CELF1: variants seen among roughly 807,000 people sequenced by gnomAD.
CELF1 encodes the protein CUGBP Elav-like family member 1, also known as 50 kDa nuclear polyadenylated RNA-binding protein.
CELF1 carries 10 observed loss-of-function variants against 61.8 expected under a neutral mutation model. The observed-to-expected ratio is 0.16, with a 90% CI of 0.10 to 0.27. CELF1 has a LOEUF of 0.27. Among genes scored for constraint, CELF1 ranks in the 10% least tolerant of loss-of-function variants. CELF1 has a pLI of 1.00. For synonymous variants in CELF1, 236 were observed against 225.1 expected (o/e 1.05, Z -0.43); for missense variants, 380 against 639.1 (o/e 0.59, Z 4.37).
intron 1 of CELF1, among the ~76,000 whole-genome samples, chr11:47,547,091 A>AAAAAAAAAAAAAAAAAAAAAAAAAAG (rs1390852543): frequency 7.2e-6 from 1 of 138,674 alleles, no homozygotes. Flanking sequence ...AAAAAAAAAA[A>AAAAAAAAAAAAAAAAAAAAAAAAAAG]AAGAAAGAAA....
chr11:47,545,809 G>A (rs962821850), intron 1 of CELF1, among the ~76,000 whole-genome samples: 26 of 151,456 alleles, frequency 1.7e-4, no homozygotes, highest in African/African-American at 5.8e-4. Context: ...GGGATTACAG[G>A]CATGCACCAC....
chr11:47,484,554 A>G (rs1273196387), intron 6 of CELF1, 31 bp from the exon 7 acceptor site: 2 of 1,588,964 alleles, frequency 1.3e-6, no homozygotes, highest in African/African-American at 1.4e-5. Flanking sequence ...AGACTTGAAT[A>G]TTACTACTTA....
intron 1 of CELF1, among the ~76,000 whole-genome samples, chr11:47,502,001 C>T (rs113284180): frequency 2.6e-5 from 4 of 152,264 alleles, no homozygotes; most frequent in African/African-American, 9.6e-5. Flanking sequence ...TACTGAGTTG[C>T]CAGGCACTGT....
chr11:47,560,513 A>G (rs2097221829), intron 2 of CELF1, among the ~76,000 whole-genome samples: 1 of 152,228 alleles, frequency 6.6e-6, no homozygotes, highest in African/African-American at 2.4e-5. Flanking sequence ...ATCCATGTAT[A>G]TGAAATGTTT....
chr11:47,477,017 A>G (rs1441158958), intron 11 of CELF1, 58 bp from the exon 12 acceptor site: 3 of 1,387,354 alleles, frequency 2.2e-6, no homozygotes, highest in East Asian at 2.3e-5. Context: ...GCCAAATACA[A>G]GAAAAAGTGT....
intron 3 of CELF1, chr11:47,495,838 T>C: frequency 3.3e-6 from 1 of 299,946 alleles, no homozygotes; most frequent in Non-Finnish European, 4.9e-6. Context: ...ACGGGACCTG[T>C]TTAAAAATAA....
chr11:47,495,516 C>A (rs1325687445), intron 3 of CELF1, among the ~76,000 whole-genome samples: 1 of 152,136 alleles, frequency 6.6e-6, no homozygotes, highest in Non-Finnish European at 1.5e-5. Context: ...CTAAAAATCA[C>A]TGAATTGCTC....
At chr11:47,536,319 T>C (rs10838725) in intron 1 of CELF1, among the ~76,000 whole-genome samples, 34,606 of 152,088 alleles carry the variant, frequency 0.23, 5,027 homozygotes, top group South Asian at 0.46. Context: ...TGAGCCAACA[T>C]TGCACCACTG....
intron 1 of CELF1, among the ~76,000 whole-genome samples, chr11:47,521,863 C>T (rs928786850): frequency 2.0e-5 from 3 of 152,024 alleles, no homozygotes; most frequent in Admixed American, 2.0e-4. Context: ...GTTTACTGAG[C>T]TAGAAACATA....
rs1263193246 is a variant in CELF1, at chr11:47,505,634, C to T, written c.-153-4702G>A. Among the ~76,000 whole-genome samples, 3 of 120,346 alleles carry T rather than the reference C, an allele frequency of 2.5e-5. 1 individual carries two copies. The highest frequency in any genetic ancestry group is 5.4e-5 in the Non-Finnish European group (3 of 55,858). 79.0% of individuals were successfully genotyped at this position (120,346 alleles called of 152,430 possible). A position where few individuals can be genotyped will look rare whatever the true frequency, so the allele number is the denominator to read the frequency against. Reference sequence around the variant, plus strand: ...CTCCAGCCTGGCTGACAGAGTGAGACTCTGTCTCCAAAAAAAAAAAAAAAT... The same window carrying T: ...CTCCAGCCTGGCTGACAGAGTGAGATTCTGTCTCCAAAAAAAAAAAAAAAT... On this transcript the variant is annotated intron_variant, in intron 1 of 14. Coordinates refer to ENST00000687097, the MANE Select transcript of CELF1 (RefSeq NM_001376376.1).
Position 47,537,107 on chromosome 11 carries a change from C to T in CELF1, c.-154+15885G>A, listed in dbSNP as rs2096647828. On this transcript the variant is annotated intron_variant, in intron 1 of 14. Transcript: ENST00000687097. ...CAAGAGTGCAGACTGCCAGCAATAT[C>T]AGATTATCCTTTTCTTATTCTTTGG... 4.6e-5 allele frequency among the ~76,000 whole-genome samples: 7 copies of T among 152,152 alleles called. No individual in the cohort carries two copies. The South Asian group carries it at 1.2e-3, about 27-fold the overall frequency.
chr11:47,487,944 A>AT (rs561462335), intron 4 of CELF1, among the ~76,000 whole-genome samples: 97 of 151,880 alleles, frequency 6.4e-4, no homozygotes, highest in African/African-American at 2.2e-3. Context: ...TACAATATAG[A>AT]TTTTTTTTTA....
intron 14 of CELF1, 145 bp downstream of exon 14, chr11:47,472,943 G>T: frequency 1.3e-6 from 1 of 757,628 alleles, no homozygotes; most frequent in Non-Finnish European, 2.1e-6. Context: ...AGAAACTGGG[G>T]CTCAAAAAGA....
intron 1 of CELF1, among the ~76,000 whole-genome samples, chr11:47,508,754 A>G (rs2094773781): frequency 6.6e-6 from 1 of 151,980 alleles, no homozygotes; most frequent in East Asian, 1.9e-4. Context: ...GAGAAGGGCA[A>G]ATGAATAGTC....
chr11:47,491,162 C>T (rs2091277789), intron 3 of CELF1, among the ~76,000 whole-genome samples: 1 of 151,618 alleles, frequency 6.6e-6, no homozygotes, highest in Non-Finnish European at 1.5e-5. Context: ...CGTGCCCAGC[C>T]TATTTCTTTA....
At chr11:47,560,881 G>C (rs1193685790) in intron 2 of CELF1, among the ~76,000 whole-genome samples, 1 of 152,218 alleles carries the variant, frequency 6.6e-6, no homozygotes, top group African/African-American at 2.4e-5. Context: ...GCTCACGCCT[G>C]TAAGCCCAGC....
intron 1 of CELF1, among the ~76,000 whole-genome samples, chr11:47,519,524 TAA>T (rs2095756507): frequency 7.0e-6 from 1 of 142,750 alleles, no homozygotes; most frequent in Non-Finnish European, 1.5e-5. Context: ...AATAAATAAA[TAA>T]GGTACTTCAA....
chr11:47,508,836 T>TCTCGGCTTACTGCAAC (rs1363963692), intron 1 of CELF1, among the ~76,000 whole-genome samples: 2 of 152,200 alleles, frequency 1.3e-5, no homozygotes, highest in Non-Finnish European at 2.9e-5. Context: ...AATGACGCGA[T>TCTCGGCTTACTGCAAC]CTCGGCTTAC....
intron 1 of CELF1, among the ~76,000 whole-genome samples, chr11:47,544,235 T>C (rs999437375): frequency 6.6e-6 from 1 of 152,236 alleles, no homozygotes; most frequent in African/African-American, 2.4e-5. Context: ...GCAGTTCACC[T>C]GTGTTATTTA....
Sources: allele counts gnomAD v4.1 joint callset (sites outside exome capture counted in the v4.1 genomes callset), GRCh38; gene constraint gnomAD v4.1.1; transcripts MANE v1.5; gene names NCBI Gene and HGNC (gene_info 2026-07-23, HGNC 2026-07-21).